GPHN: variants seen among roughly 807,000 people sequenced by gnomAD.
The protein encoded by GPHN is gephyrin.
Under a neutral mutation model 95.5 loss-of-function variants are expected in GPHN, and 17 were observed. The ratio of observed to expected loss-of-function variants is 0.18; its 90% CI spans 0.12 to 0.27. The LOEUF (loss-of-function observed/expected upper bound fraction) is 0.27. Ranked by LOEUF, GPHN falls within the 10% of genes least tolerant of loss-of-function variation. GPHN has a pLI of 1.00. For synonymous variants in GPHN, 320 were observed against 322.5 expected, an observed-to-expected ratio of 0.99 and a Z score of 0.08; for missense variants, 660 against 978.1, an observed-to-expected ratio of 0.67 and a Z score of 4.34.
chr14:67,572,296 G>C, the GPHN span: 1 of 1,572,202 alleles, frequency 6.4e-7, no homozygotes. Flanking sequence ...GGAAACGGGC[G>C]GGGGCAGGGT....
the GPHN span, among the ~76,000 whole-genome samples, chr14:67,274,621 A>G: frequency 2.6e-5 from 4 of 152,102 alleles, no homozygotes; most frequent in African/African-American, 4.8e-5. Flanking sequence ...TTTTGGTTCC[A>G]TATGAACTTT....
chr14:67,315,685 G>A, the GPHN span, among the ~76,000 whole-genome samples: 3 of 152,162 alleles, frequency 2.0e-5, no homozygotes, highest in African/African-American at 7.2e-5. Context: ...TGGCACTTTG[G>A]GAGGCCAAGC....
intron 11 of GPHN, among the ~76,000 whole-genome samples, chr14:67,066,803 A>G (rs2076075970): frequency 1.3e-5 from 2 of 152,020 alleles, no homozygotes; most frequent in East Asian, 1.9e-4. Flanking sequence ...TCTTCTCTAC[A>G]CTGTTTATTC....
At chr14:67,522,061 C>T in the GPHN span, among the ~76,000 whole-genome samples, 1 of 152,142 alleles carries the variant, frequency 6.6e-6, no homozygotes, top group Non-Finnish European at 1.5e-5. Flanking sequence ...GTTATCCCAG[C>T]TACTGGGAGG....
chr14:66,691,640 A>G (rs2067789546), intron 2 of GPHN, among the ~76,000 whole-genome samples: 2 of 152,196 alleles, frequency 1.3e-5, no homozygotes, highest in African/African-American at 4.8e-5. Flanking sequence ...AATAGCAGAG[A>G]TGATAAGTTG....
chr14:66,698,016 A>G lies in GPHN; in HGVS notation c.143+16831A>G, dbSNP rs752875004. ...GCCTGGTTTTATAAATAATATTTTC[A>G]TCTTATGAAATTGAAAAATATGACC... On this transcript the variant is annotated intron_variant, in intron 2 of 22. Transcript: ENST00000478722. Among the ~76,000 whole-genome samples, 221 of 152,134 alleles carry G rather than the reference A, an allele frequency of 1.5e-3. 6 individuals carry two copies. The highest frequency in any genetic ancestry group is 3.7e-4 in the Non-Finnish European group (25 of 68,036).
rs575557950 is a variant in GPHN at position 66,948,820 on chromosome 14, G to T, written c.829-16371G>T. Among the ~76,000 whole-genome samples the T allele has an allele frequency of 2.0e-5, 3 of 152,284 alleles. No individual in the cohort carries two copies. The East Asian group carries it at 5.8e-4, about 29-fold the overall frequency. ...ACAAGTTTTGGGAGGTTGTTTGTTT[G>T]TTTAGATGGGGTCTCACTCTATTGC... On this transcript the variant is annotated intron_variant, in intron 8 of 22. Coordinates refer to ENST00000478722, the MANE Select transcript of GPHN (RefSeq NM_020806.5).
rs144255246 is a variant in GPHN at position 66,865,176 on chromosome 14, G to A, written c.295-14763G>A. Among the ~76,000 whole-genome samples, 29 of 151,838 alleles carry A rather than the reference G, an allele frequency of 1.9e-4. 1 individual carries two copies. Among genetic ancestry groups the A allele is most frequent in the Admixed American group, 1.0e-3 (16 of 15,262 alleles). ...AGTTAGAAAAAAATGAGTAAAACCT[G>A]GTATTGGATAGCACAACAGGATGAC... On this transcript the variant is annotated intron_variant, in intron 4 of 22. Coordinates refer to ENST00000478722, the MANE Select transcript of GPHN (RefSeq NM_020806.5).
chr14:66,511,840 C>CT (rs917637412), intron 1 of GPHN, among the ~76,000 whole-genome samples: 30 of 151,676 alleles, frequency 2.0e-4, no homozygotes, highest in Admixed American at 1.2e-3. Context: ...TCTAATTATA[C>CT]TTTTTTTTAA....
chr14:67,615,639 G>T, the GPHN span: 1 of 535,008 alleles, frequency 1.9e-6, no homozygotes, highest in Admixed American at 2.2e-5. Flanking sequence ...GGAAGACCAT[G>T]TCTGCTAAAG....
chr14:67,074,565 A>G (rs1340064844), intron 11 of GPHN, among the ~76,000 whole-genome samples: 2 of 152,174 alleles, frequency 1.3e-5, no homozygotes, highest in African/African-American at 4.8e-5. Flanking sequence ...AATGGCCTCT[A>G]AGTATTCAAG....
the GPHN span, among the ~76,000 whole-genome samples, chr14:67,389,918 T>C: frequency 6.6e-6 from 1 of 152,118 alleles, no homozygotes; most frequent in African/African-American, 2.4e-5. Context: ...CTGGAGCTTT[T>C]TGGAGGCTCC....
chr14:67,459,950 AGGG>A, the GPHN span, among the ~76,000 whole-genome samples: 4 of 152,234 alleles, frequency 2.6e-5, no homozygotes, highest in Admixed American at 6.5e-5. Flanking sequence ...AGCCAGCAGT[AGGG>A]GGATAGCTAA....
chr14:67,598,679 A>C, the GPHN span, among the ~76,000 whole-genome samples: 1 of 151,776 alleles, frequency 6.6e-6, no homozygotes, highest in East Asian at 1.9e-4. Context: ...TATCAAGTCA[A>C]CTTAATCATC....
the GPHN span, among the ~76,000 whole-genome samples, chr14:67,555,300 G>A: frequency 1.3e-5 from 2 of 152,232 alleles, no homozygotes; most frequent in Non-Finnish European, 2.9e-5. Context: ...CAAATAAGGT[G>A]ATAGCCCTGA....
At chr14:66,827,250 C>G (rs925684466) in intron 4 of GPHN, among the ~76,000 whole-genome samples, 1 of 151,730 alleles carries the variant, frequency 6.6e-6, no homozygotes, top group African/African-American at 2.4e-5. Context: ...CAACATTGCA[C>G]TCCAGCCTGG....
chr14:67,417,548 C>T, the GPHN span, among the ~76,000 whole-genome samples: 16 of 152,026 alleles, frequency 1.1e-4, no homozygotes, highest in East Asian at 5.8e-4. Context: ...CCCCCTACCT[C>T]AGCCTCCTGA....
chr14:66,849,537 C>G (rs1192546193), intron 4 of GPHN, among the ~76,000 whole-genome samples: 1 of 151,886 alleles, frequency 6.6e-6, no homozygotes, highest in African/African-American at 2.4e-5. Flanking sequence ...CATTGTTAAT[C>G]TTACCAATCT....
intron 2 of GPHN, among the ~76,000 whole-genome samples, chr14:66,772,653 A>G (rs2059222218): frequency 1.3e-5 from 2 of 152,218 alleles, no homozygotes; most frequent in South Asian, 4.1e-4. Flanking sequence ...TTCTTCCTGA[A>G]TAGAGTATTC....
Sources: gnomAD v4.1 joint callset for allele counts (sites outside exome capture counted in the v4.1 genomes callset) on GRCh38, gnomAD v4.1.1 for gene constraint, MANE v1.5 for transcripts, NCBI Gene and HGNC (gene_info 2026-07-23, HGNC 2026-07-21) for gene names.